Variants in ITGA5 observed in about 807,000 individuals in gnomAD.
ITGA5 encodes the protein integrin alpha-5.
A neutral mutation model predicts 146.3 loss-of-function variants in ITGA5; 55 were observed. The observed-to-expected ratio is 0.38, with a 90% CI of 0.30 to 0.47. The LOEUF (loss-of-function observed/expected upper bound fraction) is 0.47, where lower values mean the gene tolerates loss of function less well. Among genes scored for constraint, ITGA5 ranks in the 20% least tolerant of loss-of-function variants. ITGA5 has a pLI of 0.99. For synonymous variants in ITGA5, 500 were observed against 531.8 expected, an observed-to-expected ratio of 0.94 and a Z score of 0.82; for missense variants, 1,131 against 1,329.0, an observed-to-expected ratio of 0.85 and a Z score of 2.32.
intron 11 of ITGA5, 108 bp from the exon 12 acceptor site, chr12:54,405,482 C>T (rs965153471): frequency 9.7e-7 from 1 of 1,032,256 alleles, no homozygotes; most frequent in Non-Finnish European, 1.4e-6. Context: ...GTCAGAAGAC[C>T]TGAGGTCTCT....
chr12:54,410,147 G>A (rs146887519), intron 2 of ITGA5, among the ~76,000 whole-genome samples: 145 of 151,724 alleles, frequency 9.6e-4, no homozygotes, highest in African/African-American at 3.4e-3. Flanking sequence ...GAGCCACTGC[G>A]CCCGCGTAGA....
Position 54,404,849 on chromosome 12 carries a change from A to T in ITGA5, c.1271T>A (p.Val424Glu), listed in dbSNP as rs1324416410. ...APFGGETQQG[V>E]VFVFPGGPGG... ...TGGGCCCCCAGGAAATACAAACACT[A>T]CTCCCTGCTGGGTCTCCCCACCAAA... is the stretch of plus-strand genomic sequence containing the variant. Residue 424 changes from valine to glutamate, a missense_variant, in exon 13 of 30, where the codon GTA becomes GAA. Physicochemically the swap from Val to Glu is moderately radical, Grantham distance 121 (BLOSUM62 -2). This residue lies in a region of ITGA5 where 889 missense variants were observed against 1,021.5 expected (regional missense o/e 0.87). Coordinates refer to ENST00000293379, the MANE Select transcript of ITGA5 (RefSeq NM_002205.5). 2.8e-5 allele frequency: 45 copies of T among 1,607,284 alleles called. No individual in the cohort carries two copies. The highest frequency in any genetic ancestry group is 3.7e-5 in the Non-Finnish European group (44 of 1,177,534).
intron 1 of ITGA5, among the ~76,000 whole-genome samples, chr12:54,417,707 T>A (rs1956024944): frequency 6.6e-6 from 1 of 152,038 alleles, no homozygotes; most frequent in Non-Finnish European, 1.5e-5. Context: ...AGAATTCCCC[T>A]CAAACCCTGA....
chr12:54,405,417 G>A (rs1464441639), intron 11 of ITGA5, 43 bp from the exon 12 acceptor site: 1 of 1,466,202 alleles, frequency 6.8e-7, no homozygotes, highest in Non-Finnish European at 9.3e-7. Context: ...ACCCTGTCTT[G>A]CCACCCCACC....
intron 9 of ITGA5, 171 bp downstream of exon 9, chr12:54,407,478 T>G: frequency 1.5e-6 from 1 of 658,296 alleles, no homozygotes; most frequent in South Asian, 1.7e-5. Flanking sequence ...AAGCAGAGTA[T>G]GAATAAAGAG....
At chr12:54,418,345 T>C (rs1251644295) in intron 1 of ITGA5, among the ~76,000 whole-genome samples, 2 of 151,148 alleles carry the variant, frequency 1.3e-5, no homozygotes, top group African/African-American at 4.9e-5. Context: ...GAACAGAGAT[T>C]GGGGGCGGAG....
intron 1 of ITGA5, 25 bp from the exon 2 acceptor site, chr12:54,411,989 T>G: frequency 1.3e-6 from 2 of 1,549,700 alleles, no homozygotes; most frequent in Non-Finnish European, 1.7e-6. Flanking sequence ...AGCGAGGCAG[T>G]TGAGGATGGC....
At chr12:54,408,627 G>C (rs1035154682) in intron 6 of ITGA5, 129 bp downstream of exon 6, 4 of 839,346 alleles carry the variant, frequency 4.8e-6, no homozygotes, top group Non-Finnish European at 7.4e-6. Flanking sequence ...TTGGGAGGCT[G>C]AGGCAGGAGA....
chr12:54,402,013 C>A lies in ITGA5; in HGVS notation c.2214G>T (p.Lys738Asn). Residue 738 changes from lysine (K) to asparagine (N), a missense_variant, in exon 21 of 30, where the codon AAG (lysine) becomes AAT (asparagine). By Grantham distance (94) the Lys-to-Asn change is moderately conservative. Transcript: ENST00000293379. ...ATCCCAAACTTACACTGGCTCCTGC[C>A]TTCATGGGGTTGCCCAGGTCACACA... ...LLVCDLGNPM[K>N]AGASLWGGLR... is the part of the protein sequence containing the mutation. The A allele has an allele frequency of 6.2e-7, 1 of 1,614,150 alleles. No individual in the cohort carries two copies.
chr12:54,409,316 C>T lies in ITGA5; in HGVS notation c.499G>A (p.Glu167Lys), dbSNP rs1017938242. ...APLYSWRTEK[E>K]PLSDPVGTCY... is the part of the protein sequence containing the mutation. Reference sequence around the variant, plus strand: ...GTGCCCACGGGGTCGCTCAGTGGCTCCTTCTCTGTGCGCCAGCTGTACAGT... The same window carrying T: ...GTGCCCACGGGGTCGCTCAGTGGCTTCTTCTCTGTGCGCCAGCTGTACAGT... The change falls in exon 4 of 30, where the codon GAG becomes AAG. Residue 167 changes from glutamate to lysine, a missense_variant. Transcript: ENST00000293379. This position sits in a 1 kb window ranked among gnomAD's most constrained non-coding sequence, Gnocchi z 4.7. 2 of 1,613,872 alleles carry T rather than the reference C, an allele frequency of 1.2e-6. No homozygotes were observed. Among genetic ancestry groups the T allele is most frequent in the Non-Finnish European group, 1.7e-6 (2 of 1,179,924 alleles).
Position 54,405,915 on chromosome 12 carries a change from A to C in ITGA5, c.918T>G (p.Leu306=). ...GNLTYGYVTI[L]NGSDIRSLYN... ...AGAGGGATCGAATGTCTGAGCCATT[A>C]AGGATGGTGACCTGGGAGATGAAGA... Residue 306 remains leucine, a synonymous_variant, in exon 10 of 30, where the codon CTT becomes CTG. Coordinates refer to ENST00000293379, the MANE Select transcript of ITGA5 (RefSeq NM_002205.5). 6.2e-7 allele frequency: 1 copy of C among 1,613,942 alleles called. No individual in the cohort carries two copies. Among genetic ancestry groups the C allele is most frequent in the Non-Finnish European group, 8.5e-7 (1 of 1,179,836 alleles).
In ITGA5 at chr12:54,416,940, C is replaced by G. The variant is rs1956014043; in HGVS notation, c.218+2041G>C. Among the ~76,000 whole-genome samples the G allele has an allele frequency of 6.6e-6, 1 of 152,218 alleles. No homozygotes were observed. Among genetic ancestry groups the G allele is most frequent in the East Asian group, 1.9e-4 (1 of 5,190 alleles). Reference sequence around the variant, plus strand: ...TGAGGCTCTCCCTCTTTGGCAATGGCTGTAGGTGAGGGGCTGTGTTTGTCT... The same window carrying G: ...TGAGGCTCTCCCTCTTTGGCAATGGGTGTAGGTGAGGGGCTGTGTTTGTCT... On this transcript the variant is annotated intron_variant, in intron 1 of 29. Coordinates refer to ENST00000293379, the MANE Select transcript of ITGA5 (RefSeq NM_002205.5). This position sits in a 1 kb window ranked among gnomAD's most constrained non-coding sequence, Gnocchi z 4.1.
chr12:54,404,948 A>G (rs745591153), intron 12 of ITGA5, 54 bp from the exon 13 acceptor site: 397 of 1,416,066 alleles, frequency 2.8e-4, no homozygotes, highest in Non-Finnish European at 3.4e-4. Context: ...ATGGGCTCTA[A>G]TCTCTACTAC....
intron 1 of ITGA5, chr12:54,412,280 T>G: frequency 4.5e-6 from 1 of 221,728 alleles, no homozygotes; most frequent in Non-Finnish European, 8.9e-6. Flanking sequence ...CCAGAGCCTG[T>G]ACCCCTGGCT....
In ITGA5 at chr12:54,403,733, C is replaced by T; in HGVS notation, c.1668G>A (p.Gly556=). 1 of 1,614,224 alleles carries T rather than the reference C, an allele frequency of 6.2e-7. No individual in the cohort carries two copies. ...LQLDWQKQKG[G]VRRALFLASR... ...AGGCCAGGAACAGTGCCCGCCGTAC[C>T]CCTCCCTTCTGCTTCTGCCAGTCCA... The change falls in exon 17 of 30, where the codon GGG becomes GGA. Residue 556 remains glycine (G), a synonymous_variant. Coordinates refer to ENST00000293379, the MANE Select transcript of ITGA5 (RefSeq NM_002205.5). The surrounding 1 kb of genome is among the most constrained non-coding windows in gnomAD (Gnocchi z 4.9).
intron 25 of ITGA5, 66 bp from the exon 26 acceptor site, chr12:54,400,013 G>T: frequency 8.8e-7 from 1 of 1,130,520 alleles, no homozygotes; most frequent in Non-Finnish European, 1.3e-6. Flanking sequence ...TTGCACCTGG[G>T]TTCCAGAGCA....
intron 6 of ITGA5, 93 bp downstream of exon 6, chr12:54,408,663 T>C: frequency 8.9e-7 from 1 of 1,123,042 alleles, no homozygotes; most frequent in Non-Finnish European, 1.3e-6. Flanking sequence ...GCAGCAGAGG[T>C]TGTGCCACTG....
chr12:54,411,951 C>T lies in ITGA5; in HGVS notation c.232G>A (p.Val78Met), dbSNP rs747446975. 15 of 1,597,008 alleles carry T rather than the reference C, an allele frequency of 9.4e-6. No individual in the cohort carries two copies. The South Asian group carries it at 1.7e-4, about 18-fold the overall frequency. The change falls in exon 2 of 30, where the codon GTG becomes ATG. Residue 78 changes from valine to methionine, a missense_variant. This residue lies in a region of ITGA5 where 175 missense variants were observed against 179.3 expected (regional missense o/e 0.98). Transcript: ENST00000293379. ...CTGGTATTAGCCTTGGGTGCTCCCACCAGCACACTGACCCTGTGGGGGGGA... is the reference window on the plus strand; with the variant it reads ...CTGGTATTAGCCTTGGGTGCTCCCATCAGCACACTGACCCTGTGGGGGGGA... ...RPGTDGVSVL[V>M]GAPKANTSQP...
chr12:54,415,815 G>T (rs1413944804), intron 1 of ITGA5, among the ~76,000 whole-genome samples: 2 of 152,150 alleles, frequency 1.3e-5, no homozygotes, highest in African/African-American at 4.8e-5. Flanking sequence ...CATTCACAAG[G>T]GATATGTATG....
Sources: gnomAD v4.1 joint callset for allele counts (sites outside exome capture counted in the v4.1 genomes callset) on GRCh38, gnomAD v4.1.1 for gene constraint, gnomAD v4.1.1 regional missense constraint, Gnocchi (gnomAD v3.1) non-coding constraint, MANE v1.5 for transcripts, NCBI Gene and HGNC (gene_info 2026-07-23, HGNC 2026-07-21) for gene names.